Variants in CTNNA3 observed in about 807,000 individuals in gnomAD.
CTNNA3 encodes the protein catenin alpha 3, also known as catenin alpha-3.
Under a neutral mutation model 95.7 loss-of-function variants are expected in CTNNA3, and 76 were observed. The observed-to-expected ratio is 0.79, with a 90% CI of 0.66 to 0.96. CTNNA3 has a LOEUF of 0.96. Among genes scored for constraint, CTNNA3 ranks in the 40% least tolerant of loss-of-function variants. The pLI is 0.00. For synonymous variants in CTNNA3, 431 were observed against 374.4 expected, an observed-to-expected ratio of 1.15 and a Z score of -1.74; for missense variants, 1,191 against 1,089.8, an observed-to-expected ratio of 1.09 and a Z score of -1.31.
intron 13 of CTNNA3, among the ~76,000 whole-genome samples, chr10:66,272,372 A>T (rs1464575768): frequency 2.6e-5 from 4 of 152,332 alleles, no homozygotes; most frequent in African/African-American, 9.6e-5. Context: ...TACATTAAAT[A>T]AATTGGAAAT....
intron 7 of CTNNA3, among the ~76,000 whole-genome samples, chr10:66,960,760 A>G (rs755016152): frequency 7.2e-5 from 11 of 152,198 alleles, no homozygotes; most frequent in Non-Finnish European, 1.5e-4. Flanking sequence ...CATAGGATCT[A>G]TGGTGGATAG....
At chr10:67,376,622 ACAC>A (rs1843699657) in intron 5 of CTNNA3, among the ~76,000 whole-genome samples, 1 of 152,234 alleles carries the variant, frequency 6.6e-6, no homozygotes, top group South Asian at 2.1e-4. Flanking sequence ...CCCACTGTTC[ACAC>A]ATTCAGCTTT....
chr10:66,383,874 C>T (rs9415840), intron 11 of CTNNA3, among the ~76,000 whole-genome samples: 96,673 of 151,986 alleles, frequency 0.64, 32,159 homozygotes, highest in East Asian at 0.88. Flanking sequence ...AGAAATAAAA[C>T]CCTGTACAGA....
chr10:65,987,031 C>A (rs78930642), intron 16 of CTNNA3, among the ~76,000 whole-genome samples: 4,919 of 151,932 alleles, frequency 0.032, 242 homozygotes, highest in African/African-American at 0.11. Flanking sequence ...AGGCCCCTAC[C>A]TTTCACCATA....
intron 11 of CTNNA3, among the ~76,000 whole-genome samples, chr10:66,404,995 T>C (rs1324339509): frequency 1.3e-5 from 2 of 152,314 alleles, no homozygotes; most frequent in South Asian, 2.1e-4. Context: ...GGTGGAATTG[T>C]ATAATCATCT....
At chr10:67,209,048 TTGTTG>T (rs1429520145) in intron 6 of CTNNA3, among the ~76,000 whole-genome samples, 3 of 107,892 alleles carry the variant, frequency 2.8e-5, no homozygotes, top group African/African-American at 1.5e-4. Flanking sequence ...TTATTTTTTG[TTGTTG>T]TTGTTGTTGT....
intron 7 of CTNNA3, among the ~76,000 whole-genome samples, chr10:66,967,734 AAAGAT>A (rs1388223460): frequency 6.6e-6 from 1 of 152,100 alleles, no homozygotes; most frequent in South Asian, 2.1e-4. Context: ...TGTGAAACAT[AAAGAT>A]AAGAGTGCCA....
intron 5 of CTNNA3, among the ~76,000 whole-genome samples, chr10:67,222,620 C>T (rs557270398): frequency 6.6e-6 from 1 of 152,274 alleles, no homozygotes; most frequent in Non-Finnish European, 1.5e-5. Flanking sequence ...CAAGCTCTAC[C>T]TACAGTCATC....
At chr10:67,180,255 A>G (rs1049192698) in intron 7 of CTNNA3, 62 bp downstream of exon 7, 17 of 1,336,576 alleles carry the variant, frequency 1.3e-5, no homozygotes, top group Non-Finnish European at 1.7e-5. Flanking sequence ...AAAGTATCTC[A>G]GCCTATATTC....
intron 2 of CTNNA3, among the ~76,000 whole-genome samples, chr10:67,640,236 A>G (rs926031919): frequency 6.6e-6 from 1 of 152,232 alleles, no homozygotes; most frequent in Non-Finnish European, 1.5e-5. Flanking sequence ...CCAAATCATG[A>G]GTGAACTCCC....
At chr10:67,306,311 T>C (rs539903490) in intron 5 of CTNNA3, among the ~76,000 whole-genome samples, 4 of 152,324 alleles carry the variant, frequency 2.6e-5, no homozygotes, top group Non-Finnish European at 2.9e-5. Context: ...TTGGGGTATA[T>C]TGAGTAAGAG....
In CTNNA3 at chr10:66,763,876, G is replaced by A. The variant is rs573565867; in HGVS notation, c.1281+2388C>T. ...TCCAGTCATGTGAATATGCCATTTA[G>A]CATGTCCGGACTAGGCCAACCTTTG... On this transcript the variant is annotated intron_variant, in intron 9 of 17. Coordinates refer to ENST00000433211, the MANE Select transcript of CTNNA3 (RefSeq NM_013266.4). Among the ~76,000 whole-genome samples, 302 of 152,296 alleles carry A rather than the reference G, an allele frequency of 2.0e-3. 1 individual carries two copies. The highest frequency in any genetic ancestry group is 7.0e-3 in the African/African-American group (289 of 41,570).
intron 9 of CTNNA3, among the ~76,000 whole-genome samples, chr10:66,685,412 G>T (rs11598736): frequency 7.2e-4 from 77 of 106,546 alleles, no homozygotes; most frequent in African/African-American, 2.9e-3. Flanking sequence ...TCGCTCTTTC[G>T]CCCAGGCTGG....
Position 66,529,189 on chromosome 10 carries a change from T to C in CTNNA3, c.1375-8416A>G, listed in dbSNP as rs1403117366. On this transcript the variant is annotated intron_variant, in intron 10 of 17. Coordinates refer to ENST00000433211, the MANE Select transcript of CTNNA3 (RefSeq NM_013266.4). ...TATCAAGCAGACTAGAATGCAATGG[T>C]GCGATCTTGGCTCACTGCAACCTCC... is the stretch of plus-strand genomic sequence containing the variant. Among the ~76,000 whole-genome samples the C allele has an allele frequency of 3.3e-5, 5 of 152,066 alleles. No individual in the cohort carries two copies. The East Asian group carries it at 9.7e-4, about 29-fold the overall frequency.
At chr10:67,297,470 G>A (rs890969272) in intron 5 of CTNNA3, among the ~76,000 whole-genome samples, 20 of 152,164 alleles carry the variant, frequency 1.3e-4, no homozygotes, top group Non-Finnish European at 2.5e-4. Flanking sequence ...TGTCTTTCAC[G>A]GTCCTCCCTG....
At chr10:67,198,525 T>C (rs1486819363) in intron 6 of CTNNA3, among the ~76,000 whole-genome samples, 2 of 152,182 alleles carry the variant, frequency 1.3e-5, no homozygotes. Context: ...GAAAAGATAC[T>C]CTGAGAAAAA....
intron 5 of CTNNA3, among the ~76,000 whole-genome samples, chr10:67,297,720 A>T (rs919261588): frequency 3.3e-5 from 5 of 152,194 alleles, no homozygotes; most frequent in Admixed American, 6.5e-5. Context: ...TTAATATGCC[A>T]CATCTGATTA....
intron 5 of CTNNA3, among the ~76,000 whole-genome samples, chr10:67,274,499 TGA>T (rs1839108400): frequency 6.6e-6 from 1 of 152,124 alleles, no homozygotes; most frequent in African/African-American, 2.4e-5. Flanking sequence ...ACAATCGCCA[TGA>T]GAGATTATAC....
chr10:66,237,022 A>G (rs1196097705), intron 13 of CTNNA3, among the ~76,000 whole-genome samples: 2 of 152,130 alleles, frequency 1.3e-5, no homozygotes, highest in African/African-American at 4.8e-5. Context: ...TTAGCTACTC[A>G]GGAAGCTAAG....
Sources: allele counts gnomAD v4.1 joint callset (sites outside exome capture counted in the v4.1 genomes callset), GRCh38; gene constraint gnomAD v4.1.1; transcripts MANE v1.5; gene names NCBI Gene and HGNC (gene_info 2026-07-23, HGNC 2026-07-21).